Variants in ANKH observed in about 807,000 individuals in gnomAD.
The protein encoded by ANKH is mineralization regulator ANKH.
A neutral mutation model predicts 49.0 loss-of-function variants in ANKH; 15 were observed. The ratio of observed to expected loss-of-function variants is 0.31; its 90% CI spans 0.20 to 0.47. The LOEUF is 0.47. ANKH is among the 20% of genes least tolerant of loss of function. The pLI, the probability that ANKH is intolerant of heterozygous loss-of-function variation, is 1.00. For synonymous variants in ANKH, 273 were observed against 260.0 expected, an observed-to-expected ratio of 1.05 and a Z score of -0.48; for missense variants, 429 against 652.0, an observed-to-expected ratio of 0.66 and a Z score of 3.72.
rs1579998883 is a variant in ANKH at position 14,713,772 on chromosome 5, A to G, written c.1142-105T>C. The G allele has an allele frequency of 6.6e-7, 1 of 1,514,686 alleles. No homozygotes were observed. The highest frequency in any genetic ancestry group is 9.1e-7 in the Non-Finnish European group (1 of 1,097,894). 93.8% of individuals were successfully genotyped at this position (1,514,686 alleles called of 1,614,324 possible). A position where few individuals can be genotyped will look rare whatever the true frequency, so the allele number is the denominator to read the frequency against. On this transcript the variant is annotated intron_variant, in intron 9 of 11. Coordinates refer to ENST00000284268, the MANE Select transcript of ANKH (RefSeq NM_054027.6). This position sits in a 1 kb window ranked among gnomAD's most constrained non-coding sequence, Gnocchi z 4.4. ...ATCCGAGAGCCAGGGGCTGCCTAGG[A>G]CCCTGGCCTTGCTGTTGAGCCGCTG...
chr5:14,839,236 A>G (rs779179915), intron 1 of ANKH, among the ~76,000 whole-genome samples: 1 of 152,190 alleles, frequency 6.6e-6, no homozygotes, highest in Non-Finnish European at 1.5e-5. Flanking sequence ...ATTTAAACCT[A>G]AGTGCCAAAT....
intron 1 of ANKH, among the ~76,000 whole-genome samples, chr5:14,837,852 T>G (rs888072150): frequency 1.3e-5 from 2 of 152,182 alleles, no homozygotes; most frequent in African/African-American, 2.4e-5. Flanking sequence ...CTATTCACAA[T>G]AGCAAAGACT....
intron 1 of ANKH, among the ~76,000 whole-genome samples, chr5:14,848,813 G>T (rs748305594): frequency 3.9e-5 from 6 of 152,180 alleles, no homozygotes; most frequent in Non-Finnish European, 5.9e-5. Flanking sequence ...AATCCGTGAG[G>T]CCAAGAACCC....
chr5:14,814,824 G>A (rs1205656222), intron 1 of ANKH, among the ~76,000 whole-genome samples: 1 of 152,144 alleles, frequency 6.6e-6, no homozygotes, highest in African/African-American at 2.4e-5. Context: ...AGTCAATCTG[G>A]CTTTATCTCC....
intron 1 of ANKH, among the ~76,000 whole-genome samples, chr5:14,864,550 T>C (rs1735588380): frequency 6.6e-6 from 1 of 152,192 alleles, no homozygotes; most frequent in Non-Finnish European, 1.5e-5. Flanking sequence ...TGACTAAATA[T>C]GGACTGTAAG....
At chr5:14,753,841 T>C (rs1561039319) in intron 4 of ANKH, among the ~76,000 whole-genome samples, 1 of 152,168 alleles carries the variant, frequency 6.6e-6, no homozygotes, top group Non-Finnish European at 1.5e-5. Flanking sequence ...AGAATTGCCA[T>C]TGAAATTTGA....
chr5:14,809,742 T>C (rs1271627464), intron 1 of ANKH, among the ~76,000 whole-genome samples: 1 of 152,172 alleles, frequency 6.6e-6, no homozygotes, highest in Admixed American at 6.5e-5. Context: ...CCTTTCAGGC[T>C]AAGGCCAGGG....
intron 11 of ANKH, 99 bp downstream of exon 11, chr5:14,712,775 C>G: frequency 8.2e-7 from 1 of 1,220,110 alleles, no homozygotes; most frequent in Non-Finnish European, 1.2e-6. Flanking sequence ...GGATCCCCCA[C>G]TGACGAACGC....
intron 1 of ANKH, among the ~76,000 whole-genome samples, chr5:14,773,066 C>T (rs1413027784): frequency 1.3e-5 from 2 of 152,192 alleles, no homozygotes; most frequent in Non-Finnish European, 2.9e-5. Context: ...TGCACTTTTC[C>T]CCACCACCTA....
chr5:14,849,540 A>C (rs1325117570), intron 1 of ANKH, among the ~76,000 whole-genome samples: 1 of 152,194 alleles, frequency 6.6e-6, no homozygotes, highest in African/African-American at 2.4e-5. Context: ...TATCACTTCC[A>C]TGTTATTCTC....
intron 1 of ANKH, among the ~76,000 whole-genome samples, chr5:14,840,175 T>C (rs1382089119): frequency 6.6e-6 from 1 of 152,232 alleles, no homozygotes; most frequent in Non-Finnish European, 1.5e-5. Flanking sequence ...CTGGGTTTGC[T>C]CATGAAGAGA....
At chr5:14,759,711 C>G (rs1015550925) in intron 2 of ANKH, among the ~76,000 whole-genome samples, 1 of 147,266 alleles carries the variant, frequency 6.8e-6, no homozygotes, top group African/African-American at 2.5e-5. Context: ...GAGCTATGAT[C>G]GTGCCACTGT....
chr5:14,783,289 TACACACACACACACACAC>T (rs57904537), intron 1 of ANKH, among the ~76,000 whole-genome samples: 5 of 144,634 alleles, frequency 3.5e-5, no homozygotes, highest in East Asian at 4.0e-4. Context: ...GCCACCATTC[TACACACACACACACACAC>T]ACACACACAC....
At position 14,871,527 on chromosome 5, in the gene ANKH, C is replaced by A. The variant is rs1580130480; in HGVS notation, c.-80G>T. 1 of 844,714 alleles carries A rather than the reference C, an allele frequency of 1.2e-6. No individual in the cohort carries two copies. The highest frequency in any genetic ancestry group is 1.6e-6 in the Non-Finnish European group (1 of 611,938). 52.3% of individuals were successfully genotyped at this position (844,714 alleles called of 1,614,324 possible). A position where few individuals can be genotyped will look rare whatever the true frequency, so the allele number is the denominator to read the frequency against. On this transcript the variant is annotated 5_prime_UTR_variant, in exon 1 of 12. Coordinates refer to ENST00000284268, the MANE Select transcript of ANKH (RefSeq NM_054027.6). ...GGGGAGGCGAGGGGCGACGGGGCGA[C>A]GGGGCGAGCGGGGCGCGGGCCGACA... is the stretch of plus-strand genomic sequence containing the variant.
rs1736934992 is a variant in ANKH, at chr5:14,706,020, CAGTG to C, written c.*5173_*5176del. 1 of 152,156 alleles carries C rather than the reference CAGTG, an allele frequency of 6.6e-6. No individual in the cohort carries two copies. Among genetic ancestry groups the C allele is most frequent in the Non-Finnish European group, 1.5e-5 (1 of 68,026 alleles). The allele number at this position is 152,156 out of a possible 1,614,324, so 9.4% of individuals were successfully genotyped here. A position where few individuals can be genotyped will look rare whatever the true frequency, so the allele number is the denominator to read the frequency against. On this transcript the variant is annotated 3_prime_UTR_variant, in exon 12 of 12. Transcript: ENST00000284268. ...TAGTGAGAATTTCCATGAGGTTGTA[CAGTG>C]AGTGGTACAACCATTTTTAGCTGGT...
At chr5:14,746,142 T>C (rs1561035345) in intron 6 of ANKH, among the ~76,000 whole-genome samples, 180 bp from the exon 7 acceptor site, 1 of 151,998 alleles carries the variant, frequency 6.6e-6, no homozygotes, top group Non-Finnish European at 1.5e-5. Flanking sequence ...GACAGCAAAT[T>C]GGGCTCCTAG....
intron 8 of ANKH, among the ~76,000 whole-genome samples, chr5:14,728,350 TTTCC>T (rs1324681027): frequency 6.6e-6 from 1 of 152,236 alleles, no homozygotes; most frequent in African/African-American, 2.4e-5. Context: ...TTTCTCCCTG[TTTCC>T]AAGATGCCCT....
rs1664965 is a variant in ANKH, at chr5:14,778,355, C to G, written c.97-9164G>C. Among the ~76,000 whole-genome samples, 594 of 152,268 alleles carry G rather than the reference C, an allele frequency of 3.9e-3. 3 individuals carry two copies. Among genetic ancestry groups the G allele is most frequent in the African/African-American group, 0.014 (580 of 41,548 alleles). ...AGCCCCTTAGATTTTCACTGGGGAC[C>G]CTGCCACTTGGCTCAGAGTCTCCTC... On this transcript the variant is annotated intron_variant, in intron 1 of 11. Coordinates refer to ENST00000284268, the MANE Select transcript of ANKH (RefSeq NM_054027.6).
chr5:14,797,438 G>A, intron 1 of ANKH: 7 of 1,611,122 alleles, frequency 4.3e-6, no homozygotes, highest in Non-Finnish European at 5.9e-6. Context: ...ACTGAACCTG[G>A]AATATTTCAT....
Sources: gnomAD v4.1 joint callset for allele counts (sites outside exome capture counted in the v4.1 genomes callset) on GRCh38, gnomAD v4.1.1 for gene constraint, Gnocchi (gnomAD v3.1) non-coding constraint, MANE v1.5 for transcripts, NCBI Gene and HGNC (gene_info 2026-07-23, HGNC 2026-07-21) for gene names.